DNAJC6: variants seen among roughly 807,000 people sequenced by gnomAD.
DNAJC6 encodes DnaJ heat shock protein family (Hsp40) member C6.
Under a neutral mutation model 110.0 loss-of-function variants are expected in DNAJC6, and 34 were observed. That is an observed-to-expected ratio of 0.31 (90% confidence interval 0.24 to 0.41). The LOEUF is 0.41. Ranked by LOEUF, DNAJC6 falls within the 10% of genes least tolerant of loss-of-function variation. The pLI is 1.00. For missense variants in DNAJC6, 1,031 were observed against 1,207.8 expected (o/e 0.85, Z 2.17); for synonymous variants, 406 against 437.2 (o/e 0.93, Z 0.89).
intron 1 of DNAJC6, among the ~76,000 whole-genome samples, chr1:65,293,259 G>A (rs1051753530): frequency 4.6e-5 from 7 of 152,210 alleles, no homozygotes; most frequent in African/African-American, 1.7e-4. Flanking sequence ...GCTGCTTGCT[G>A]TCTTCTCATT....
intron 13 of DNAJC6, among the ~76,000 whole-genome samples, chr1:65,395,235 T>C (rs906790505): frequency 6.6e-6 from 1 of 152,232 alleles, no homozygotes; most frequent in Non-Finnish European, 1.5e-5. Context: ...AACTTTGTTT[T>C]GCTCTGCTTT....
In DNAJC6 at chr1:65,408,802, G is replaced by A. The variant is rs770626321; in HGVS notation, c.2634+19G>A. On this transcript the variant is annotated intron_variant, in intron 17 of 18. Transcript: ENST00000371069. Reference sequence around the variant, plus strand: ...ATTAAAGGTGAGTGAGGCCCCTGACGCAGCTTGATTATCCTATATGACAAA... The same window carrying A: ...ATTAAAGGTGAGTGAGGCCCCTGACACAGCTTGATTATCCTATATGACAAA... 11 of 1,609,912 alleles carry A rather than the reference G, an allele frequency of 6.8e-6. No homozygotes were observed. In the East Asian group the frequency reaches 1.3e-4, roughly 20 times the overall value.
At chr1:65,412,575 G>A (rs1646138245) in intron 18 of DNAJC6, among the ~76,000 whole-genome samples, 2 of 152,210 alleles carry the variant, frequency 1.3e-5, no homozygotes, top group African/African-American at 4.8e-5. Context: ...GAACTTTTTA[G>A]AAATGGGAAA....
intron 4 of DNAJC6, among the ~76,000 whole-genome samples, chr1:65,366,828 G>T (rs1403453693): frequency 6.6e-6 from 1 of 152,056 alleles, no homozygotes; most frequent in Non-Finnish European, 1.5e-5. Context: ...AGATATGATT[G>T]GTTCTGCAAC....
chr1:65,284,177 A>G (rs1233076488), intron 1 of DNAJC6, among the ~76,000 whole-genome samples: 1 of 152,038 alleles, frequency 6.6e-6, no homozygotes, highest in Non-Finnish European at 1.5e-5. Flanking sequence ...CCTTTACCTC[A>G]GTGATGTCAC....
rs773483506 is a variant in DNAJC6, at chr1:65,406,170, CCTGT to C, written c.2491+40_2491+43del. 6 of 1,587,582 alleles carry C rather than the reference CCTGT, an allele frequency of 3.8e-6. No individual in the cohort carries two copies. In the East Asian group the frequency reaches 6.7e-5, roughly 18 times the overall value. ...GGTATGGGACCTAGCTATGGGGCAG[CCTGT>C]CTATGTTGTCATACTGCCTGAATGT... On this transcript the variant is annotated intron_variant, in intron 16 of 18. Coordinates refer to ENST00000371069, the MANE Select transcript of DNAJC6 (RefSeq NM_001256864.2).
intron 4 of DNAJC6, among the ~76,000 whole-genome samples, chr1:65,377,190 A>C (rs1321334904): frequency 6.6e-6 from 1 of 152,256 alleles, no homozygotes. Flanking sequence ...AGTAAATGTC[A>C]ATAAGGCCTA....
intron 12 of DNAJC6, among the ~76,000 whole-genome samples, chr1:65,394,026 T>C (rs1645953943): frequency 6.6e-6 from 1 of 152,200 alleles, no homozygotes; most frequent in Non-Finnish European, 1.5e-5. Context: ...TGTACTTCAC[T>C]TCCTTCCATA....
chr1:65,310,050 C>T (rs1645084211), intron 1 of DNAJC6, 112 bp downstream of exon 1: 15 of 1,282,378 alleles, frequency 1.2e-5, no homozygotes, highest in African/African-American at 1.6e-5. Context: ...TGCGAGAGAG[C>T]CGGGCTGGAG....
intron 4 of DNAJC6, among the ~76,000 whole-genome samples, chr1:65,375,710 G>A (rs1342043520): frequency 2.6e-5 from 4 of 152,230 alleles, no homozygotes; most frequent in African/African-American, 9.6e-5. Context: ...ACAGGCGTGA[G>A]CCACCATGCC....
chr1:65,321,279 C>T (rs1300286589), intron 1 of DNAJC6, among the ~76,000 whole-genome samples: 1 of 152,172 alleles, frequency 6.6e-6, no homozygotes, highest in Non-Finnish European at 1.5e-5. Flanking sequence ...TAGCTCACTG[C>T]TGCCTCGAAT....
At chr1:65,372,395 C>T (rs967001067) in intron 4 of DNAJC6, among the ~76,000 whole-genome samples, 8 of 151,980 alleles carry the variant, frequency 5.3e-5, no homozygotes, top group Non-Finnish European at 1.0e-4. Context: ...ATTCACTCAG[C>T]AAATACCTGC....
chr1:65,278,977 C>G (rs1322195562), intron 1 of DNAJC6: 1 of 985,272 alleles, frequency 1.0e-6, no homozygotes, highest in Admixed American at 6.1e-5. Context: ...TCCTCCATCC[C>G]CTTCCCCATG....
intron 4 of DNAJC6, among the ~76,000 whole-genome samples, chr1:65,375,712 C>G (rs956302138): frequency 2.1e-4 from 32 of 152,258 alleles, no homozygotes; most frequent in African/African-American, 7.5e-4. Context: ...AGGCGTGAGC[C>G]ACCATGCCTG....
At chr1:65,398,775 T>A (rs1326673889) in intron 13 of DNAJC6, 38 bp from the exon 14 acceptor site, 1 of 1,611,398 alleles carries the variant, frequency 6.2e-7, no homozygotes. Flanking sequence ...GGTTCTGAGC[T>A]CTCTTGTTCT....
intron 1 of DNAJC6, among the ~76,000 whole-genome samples, chr1:65,340,399 C>T (rs1422212185): frequency 6.6e-6 from 1 of 152,200 alleles, no homozygotes; most frequent in Non-Finnish European, 1.5e-5. Context: ...TCATATTGGG[C>T]AAGGTCTTCT....
intron 16 of DNAJC6, among the ~76,000 whole-genome samples, chr1:65,408,022 TC>T (rs1206173559): frequency 1.3e-5 from 2 of 152,268 alleles, no homozygotes; most frequent in East Asian, 3.9e-4. Context: ...CCTAACACCA[TC>T]CCCATTTTAT....
chr1:65,406,989 A>G (rs558200441), intron 16 of DNAJC6, among the ~76,000 whole-genome samples: 1 of 152,248 alleles, frequency 6.6e-6, no homozygotes, highest in African/African-American at 2.4e-5. Context: ...AGCATTTTTC[A>G]TGTACAGGCA....
intron 1 of DNAJC6, among the ~76,000 whole-genome samples, chr1:65,337,330 G>A (rs1645347455): frequency 6.7e-6 from 1 of 149,726 alleles, no homozygotes; most frequent in Non-Finnish European, 1.5e-5. Flanking sequence ...CTATTTCTAT[G>A]AGGAAAAACT....
Sources: allele counts gnomAD v4.1 joint callset (sites outside exome capture counted in the v4.1 genomes callset), GRCh38; gene constraint gnomAD v4.1.1; transcripts MANE v1.5; gene names NCBI Gene and HGNC (gene_info 2026-07-23, HGNC 2026-07-21).